IQCM: variants seen among roughly 807,000 people sequenced by gnomAD.
IQCM encodes IQ domain-containing protein M.
Under a neutral mutation model 57.6 loss-of-function variants are expected in IQCM, and 45 were observed. The observed-to-expected ratio is 0.78, with a 90% CI of 0.62 to 1.00. The LOEUF is 1.00. Among genes scored for constraint, IQCM ranks in the 50% least tolerant of loss-of-function variants. IQCM has a pLI of 0.00. For missense variants in IQCM, 468 were observed against 511.6 expected (o/e 0.91, Z 0.82); for synonymous variants, 148 against 158.9 (o/e 0.93, Z 0.51).
chr4:149,406,088 C>T (rs1372026775), intron 13 of IQCM, among the ~76,000 whole-genome samples: 1 of 151,722 alleles, frequency 6.6e-6, no homozygotes, highest in Non-Finnish European at 1.5e-5. Context: ...TTTTTTCACT[C>T]TCTTAAGAAC....
chr4:149,659,641 C>A (rs1759985372), intron 7 of IQCM, among the ~76,000 whole-genome samples: 1 of 152,080 alleles, frequency 6.6e-6, no homozygotes, highest in South Asian at 2.1e-4. Context: ...AGATATAGAT[C>A]AATGGAACAG....
intron 7 of IQCM, among the ~76,000 whole-genome samples, chr4:149,669,337 T>C (rs567140675): frequency 1.3e-5 from 2 of 152,344 alleles, no homozygotes; most frequent in Admixed American, 1.3e-4. Flanking sequence ...GATTTTTTCT[T>C]GTAAATTTGT....
chr4:149,583,003 T>C (rs1752349656), intron 9 of IQCM, among the ~76,000 whole-genome samples: 1 of 151,612 alleles, frequency 6.6e-6, no homozygotes, highest in Admixed American at 6.6e-5. Flanking sequence ...ATATCTGGAC[T>C]CTGAAATGTG....
intron 7 of IQCM, among the ~76,000 whole-genome samples, chr4:149,648,864 T>G (rs1758896628): frequency 6.6e-6 from 1 of 151,970 alleles, no homozygotes; most frequent in African/African-American, 2.4e-5. Flanking sequence ...AACCTGCACG[T>G]TGTGCACATG....
At chr4:149,563,599 T>A (rs1022716531) in intron 10 of IQCM, 93 bp downstream of exon 10, 6 of 874,848 alleles carry the variant, frequency 6.9e-6, no homozygotes, top group Non-Finnish European at 4.5e-6. Context: ...AAAAAAAAAG[T>A]ATGTACATTG....
chr4:149,447,051 CAG>C (rs1052113670), intron 12 of IQCM, among the ~76,000 whole-genome samples: 3 of 151,180 alleles, frequency 2.0e-5, no homozygotes, highest in Non-Finnish European at 3.0e-5. Flanking sequence ...GAATATGAGA[CAG>C]AGAGATAATA....
At chr4:149,659,042 CT>C (rs1471203767) in intron 7 of IQCM, among the ~76,000 whole-genome samples, 3 of 151,872 alleles carry the variant, frequency 2.0e-5, no homozygotes, top group Non-Finnish European at 4.4e-5. Context: ...AAAAGGGTAT[CT>C]TTTTTATTGC....
At chr4:149,791,156 T>C (rs2150029607) in intron 2 of IQCM, among the ~76,000 whole-genome samples, 1 of 152,330 alleles carries the variant, frequency 6.6e-6, no homozygotes, top group African/African-American at 2.4e-5. Context: ...TAGTGACATG[T>C]ATGCTTCATA....
At chr4:149,420,972 A>T (rs1287917943) in intron 13 of IQCM, among the ~76,000 whole-genome samples, 1 of 151,970 alleles carries the variant, frequency 6.6e-6, no homozygotes, top group African/African-American at 2.4e-5. Flanking sequence ...AGACTGTCAG[A>T]TGGAGGTTAT....
rs1254901586 is a variant in IQCM, at chr4:149,784,541, G to T, written c.-49+30770C>A. On this transcript the variant is annotated intron_variant, in intron 2 of 13. Transcript: ENST00000636793. ...CGCCATTCTCCTGCCTCAGCCTCCC[G>T]AGTAGCTGGGACTACAGGTGCCCGC... is the stretch of plus-strand genomic sequence containing the variant. 4.6e-5 allele frequency among the ~76,000 whole-genome samples: 7 copies of T among 152,018 alleles called. No individual in the cohort carries two copies. The East Asian group carries it at 1.4e-3, about 29-fold the overall frequency.
At chr4:149,667,973 G>A (rs958865156) in intron 7 of IQCM, among the ~76,000 whole-genome samples, 6 of 152,076 alleles carry the variant, frequency 3.9e-5, no homozygotes, top group Non-Finnish European at 8.8e-5. Context: ...AAAGTGACAG[G>A]AAGAATGGAA....
intron 13 of IQCM, among the ~76,000 whole-genome samples, chr4:149,415,400 T>A: frequency 6.6e-6 from 1 of 152,200 alleles, no homozygotes; most frequent in East Asian, 1.9e-4. Flanking sequence ...AGAAAGTATC[T>A]ATGTATTGCT....
intron 12 of IQCM, among the ~76,000 whole-genome samples, chr4:149,441,053 C>A (rs921816316): frequency 5.9e-5 from 9 of 152,026 alleles, no homozygotes; most frequent in African/African-American, 2.2e-4. Flanking sequence ...AAAAGAGACA[C>A]AATAAGAGCA....
intron 5 of IQCM, among the ~76,000 whole-genome samples, chr4:149,717,734 G>T (rs1235994211): frequency 1.3e-5 from 2 of 152,118 alleles, no homozygotes; most frequent in Admixed American, 1.3e-4. Context: ...ATAATTATGG[G>T]TCCCTTGGCT....
chr4:149,367,536 T>A (rs1268810846), intron 13 of IQCM, among the ~76,000 whole-genome samples: 7 of 152,028 alleles, frequency 4.6e-5, no homozygotes. Flanking sequence ...AGTATTCTAT[T>A]ATATGAATGG....
chr4:149,360,747 A>G (rs1376496569), intron 13 of IQCM, among the ~76,000 whole-genome samples: 1 of 152,154 alleles, frequency 6.6e-6, no homozygotes, highest in Non-Finnish European at 1.5e-5. Context: ...TGTAAATCCA[A>G]TTAAACCTCT....
chr4:149,626,997 T>A (rs1756871015), intron 7 of IQCM, among the ~76,000 whole-genome samples: 1 of 152,114 alleles, frequency 6.6e-6, no homozygotes, highest in Non-Finnish European at 1.5e-5. Context: ...AAATAACTGA[T>A]TCCCTTTTCC....
At chr4:149,615,626 T>C (rs1755724915) in intron 8 of IQCM, among the ~76,000 whole-genome samples, 1 of 152,214 alleles carries the variant, frequency 6.6e-6, no homozygotes, top group East Asian at 1.9e-4. Flanking sequence ...ACAAAATACA[T>C]TTTAAAAAGC....
At chr4:149,395,311 A>G (rs147166448) in intron 13 of IQCM, among the ~76,000 whole-genome samples, 235 of 152,152 alleles carry the variant, frequency 1.5e-3, no homozygotes, top group African/African-American at 5.4e-3. Context: ...TTTTAAAACT[A>G]AGAAGTGCCA....
Sources: gnomAD v4.1 joint callset for allele counts (sites outside exome capture counted in the v4.1 genomes callset) on GRCh38, gnomAD v4.1.1 for gene constraint, MANE v1.5 for transcripts, NCBI Gene and HGNC (gene_info 2026-07-23, HGNC 2026-07-21) for gene names.